Variants in PCNX2 observed in about 807,000 individuals in gnomAD.
The protein encoded by PCNX2 is pecanex 2, also known as pecanex-like protein 2.
In PCNX2, 168 loss-of-function variants were observed where a neutral mutation model predicts 223.8. The observed-to-expected ratio is 0.75, with a 90% CI of 0.66 to 0.85. The LOEUF (loss-of-function observed/expected upper bound fraction) is 0.85. PCNX2 is among the 40% of genes least tolerant of loss of function. The pLI is 0.00. For missense variants in PCNX2, 2,507 were observed against 2,675.5 expected (o/e 0.94, Z 1.39); for synonymous variants, 1,006 against 1,052.6 (o/e 0.96, Z 0.86).
At chr1:233,315,477 C>A in the PCNX2 span, among the ~76,000 whole-genome samples, 6 of 152,204 alleles carry the variant, frequency 3.9e-5, no homozygotes, top group East Asian at 1.2e-3. Context: ...TAATATTAGT[C>A]TAATTTTATA....
intron 1 of PCNX2, among the ~76,000 whole-genome samples, chr1:233,279,389 T>TTGTGTGTGTGTGTG (rs57288356): frequency 3.5e-4 from 50 of 142,676 alleles, no homozygotes; most frequent in African/African-American, 1.2e-3. Context: ...TAATTTGTGT[T>TTGTGTGTGTGTGTG]TGTGTGTGTG....
chr1:233,132,987 C>A lies in PCNX2; in HGVS notation c.3837+2026G>T, dbSNP rs142329206. Among the ~76,000 whole-genome samples the A allele has an allele frequency of 2.7e-3, 416 of 151,542 alleles. 4 individuals carry two copies. Among genetic ancestry groups the A allele is most frequent in the South Asian group, 6.5e-3 (31 of 4,788 alleles). ...AATCTCGGCTCACTGCAACCTCCAC[C>A]TCCTGGGTTCGAGCAATTCCCCTGC... On this transcript the variant is annotated intron_variant, in intron 21 of 33. Transcript: ENST00000258229.
intron 25 of PCNX2, among the ~76,000 whole-genome samples, chr1:233,037,916 A>G (rs1671513068): frequency 6.6e-6 from 1 of 152,192 alleles, no homozygotes; most frequent in Non-Finnish European, 1.5e-5. Context: ...TTATTTCACA[A>G]CACTATGTAT....
At chr1:233,080,030 T>C (rs115530420) in intron 23 of PCNX2, among the ~76,000 whole-genome samples, 136 of 152,286 alleles carry the variant, frequency 8.9e-4, no homozygotes, top group African/African-American at 3.1e-3. Context: ...CACTTGCCTG[T>C]GCCCTAATGT....
intron 16 of PCNX2, among the ~76,000 whole-genome samples, 187 bp downstream of exon 16, chr1:233,178,879 G>A (rs1254434827): frequency 1.3e-5 from 2 of 152,202 alleles, no homozygotes; most frequent in Non-Finnish European, 2.9e-5. Flanking sequence ...ATTTTTAATT[G>A]TTATTAGTTT....
intron 19 of PCNX2, among the ~76,000 whole-genome samples, chr1:233,154,147 C>T (rs1357599154): frequency 6.6e-5 from 10 of 151,976 alleles, no homozygotes; most frequent in East Asian, 1.9e-4. Context: ...GGTGTGGTCT[C>T]GGCTCACTGC....
intron 28 of PCNX2, among the ~76,000 whole-genome samples, chr1:233,003,092 T>C (rs1350735905): frequency 6.6e-6 from 1 of 152,222 alleles, no homozygotes; most frequent in Non-Finnish European, 1.5e-5. Context: ...GACATAGGCA[T>C]GGGCAAAGAC....
chr1:233,115,134 G>A (rs79274364), intron 21 of PCNX2, among the ~76,000 whole-genome samples: 7,359 of 151,942 alleles, frequency 0.048, 286 homozygotes, highest in African/African-American at 0.11. Context: ...CAGGGCTTCA[G>A]GGAAATAGAT....
rs759100757 is a variant in PCNX2 at position 233,258,680 on chromosome 1, G to A, written c.1182C>T (p.Leu394=). 1 of 1,613,988 alleles carries A rather than the reference G, an allele frequency of 6.2e-7. No homozygotes were observed. The highest frequency in any genetic ancestry group is 2.2e-5 in the East Asian group (1 of 44,872). ...PNSMTDLESS[L]HLRVVGTEKT... ...TCTCTGTGCCAACCACCCTCAGGTGGAGGGAGCTTTCCAAATCTGTCATGG... is the reference window on the plus strand; with the variant it reads ...TCTCTGTGCCAACCACCCTCAGGTGAAGGGAGCTTTCCAAATCTGTCATGG... The change falls in exon 5 of 34, where the codon CTC becomes CTT. Residue 394 remains leucine (L), a synonymous_variant. Transcript: ENST00000258229.
At chr1:233,011,595 C>T (rs956577510) in intron 28 of PCNX2, among the ~76,000 whole-genome samples, 2 of 152,144 alleles carry the variant, frequency 1.3e-5, no homozygotes, top group African/African-American at 4.8e-5. Context: ...CATTTCTGCA[C>T]AGCTGTCCAA....
intron 8 of PCNX2, among the ~76,000 whole-genome samples, chr1:233,244,119 A>G (rs1364631149): frequency 6.6e-6 from 1 of 152,180 alleles, no homozygotes; most frequent in East Asian, 1.9e-4. Context: ...ATGAGCCACC[A>G]CACCAGGCCC....
intron 19 of PCNX2, among the ~76,000 whole-genome samples, chr1:233,147,683 A>G (rs1677543645): frequency 6.6e-6 from 1 of 152,244 alleles, no homozygotes; most frequent in South Asian, 2.1e-4. Context: ...AAGTGATTAA[A>G]ACATTTAATC....
At chr1:233,169,933 T>C (rs1679052385) in intron 17 of PCNX2, among the ~76,000 whole-genome samples, 1 of 152,132 alleles carries the variant, frequency 6.6e-6, no homozygotes, top group South Asian at 2.1e-4. Context: ...AGCTGTTTAA[T>C]TTTGCCCATT....
At chr1:233,064,406 C>T (rs1339781202) in intron 23 of PCNX2, among the ~76,000 whole-genome samples, 4 of 152,300 alleles carry the variant, frequency 2.6e-5, no homozygotes, top group Admixed American at 2.0e-4. Flanking sequence ...CCCCACTCTT[C>T]CCTCTCTCTG....
At chr1:233,037,581 T>C (rs1671499705) in intron 25 of PCNX2, among the ~76,000 whole-genome samples, 1 of 152,078 alleles carries the variant, frequency 6.6e-6, no homozygotes, top group South Asian at 2.1e-4. Context: ...CCTGGCCTCA[T>C]ATAATCCTCC....
At position 233,258,816 on chromosome 1, in the gene PCNX2, G is replaced by C. The variant is rs755494781; in HGVS notation, c.1046C>G (p.Ser349Cys). The change falls in exon 5 of 34, where the codon TCC becomes TGC. Residue 349 changes from serine to cysteine, a missense_variant. Coordinates refer to ENST00000258229, the MANE Select transcript of PCNX2 (RefSeq NM_014801.4). ...GDLPLHQEVDSSDSEVAVTLI... is the reference protein window; with the variant it reads ...GDLPLHQEVDCSDSEVAVTLI... ...AGTAACAGCTACCTCACTATCTGAG[G>C]AGTCCACTTCCTGGTGCAAGGGCAG... is the stretch of plus-strand genomic sequence containing the variant. 1.2e-6 allele frequency: 2 copies of C among 1,613,782 alleles called. No homozygotes were observed. Among genetic ancestry groups the C allele is most frequent in the Non-Finnish European group, 1.7e-6 (2 of 1,179,890 alleles).
At chr1:233,067,404 A>AAAAAAAAAAAAAAT (rs1672661617) in intron 23 of PCNX2, among the ~76,000 whole-genome samples, 2 of 117,394 alleles carry the variant, frequency 1.7e-5, no homozygotes, top group African/African-American at 3.4e-5. Context: ...AAAAAAAAAA[A>AAAAAAAAAAAAAAT]GCAAGACTTG....
Position 232,986,545 on chromosome 1 carries a change from AAAAG to A in PCNX2, c.5792-9_5792-6del. On this transcript the variant is annotated splice_region_variant and splice_polypyrimidine_tract_variant and intron_variant, in intron 32 of 33. Coordinates refer to ENST00000258229, the MANE Select transcript of PCNX2 (RefSeq NM_014801.4). ...GGCTCCTGCCTTTCCTCCTGCCTTT[AAAAG>A]AAAGCAGAACACAGAGTTGTAGCGG... The A allele has an allele frequency of 6.6e-7, 1 of 1,512,256 alleles. No individual in the cohort carries two copies. Among genetic ancestry groups the A allele is most frequent in the Non-Finnish European group, 8.8e-7 (1 of 1,131,022 alleles). 93.7% of individuals were successfully genotyped at this position (1,512,256 alleles called of 1,614,324 possible). A position where few individuals can be genotyped will look rare whatever the true frequency, so the allele number is the denominator to read the frequency against.
chr1:232,987,567 T>C (rs922801898), intron 32 of PCNX2, among the ~76,000 whole-genome samples: 5 of 152,170 alleles, frequency 3.3e-5, no homozygotes, highest in African/African-American at 9.7e-5. Flanking sequence ...GGCGGAGGCA[T>C]GAGTATCAGA....
Sources: gnomAD v4.1 joint callset for allele counts (sites outside exome capture counted in the v4.1 genomes callset) on GRCh38, gnomAD v4.1.1 for gene constraint, MANE v1.5 for transcripts, NCBI Gene and HGNC (gene_info 2026-07-23, HGNC 2026-07-21) for gene names.